Variants in ADAMTS3 observed in about 807,000 individuals in gnomAD.
ADAMTS3 encodes the protein ADAM metallopeptidase with thrombospondin type 1 motif 3, also known as A disintegrin and metalloproteinase with thrombospondin motifs 3.
Under a neutral mutation model 129.0 loss-of-function variants are expected in ADAMTS3, and 73 were observed. The ratio of observed to expected loss-of-function variants is 0.57; its 90% CI spans 0.47 to 0.69. The LOEUF (loss-of-function observed/expected upper bound fraction) is 0.69, where lower values mean the gene tolerates loss of function less well. Ranked by LOEUF, ADAMTS3 falls within the 30% of genes least tolerant of loss-of-function variation. ADAMTS3 has a pLI of 0.00. For missense variants in ADAMTS3, 1,457 were observed against 1,514.5 expected (o/e 0.96, Z 0.63); for synonymous variants, 477 against 510.8 (o/e 0.93, Z 0.89).
At chr4:72,299,111 T>A (rs1022381115) in intron 17 of ADAMTS3, among the ~76,000 whole-genome samples, 3 of 146,066 alleles carry the variant, frequency 2.1e-5, no homozygotes, top group Non-Finnish European at 3.0e-5. Flanking sequence ...ACAGACATAT[T>A]TACTTTCCTG....
chr4:72,449,043 T>C (rs1213500288), intron 3 of ADAMTS3, among the ~76,000 whole-genome samples: 1 of 151,710 alleles, frequency 6.6e-6, no homozygotes, highest in African/African-American at 2.4e-5. Context: ...TATTTTCCAC[T>C]GGCTTCTAGA....
chr4:72,541,752 A>C (rs1471197758), intron 3 of ADAMTS3, among the ~76,000 whole-genome samples: 1 of 151,334 alleles, frequency 6.6e-6, no homozygotes, highest in Non-Finnish European at 1.5e-5. Flanking sequence ...CCACTATGTA[A>C]GATGTGCCTT....
intron 4 of ADAMTS3, among the ~76,000 whole-genome samples, chr4:72,345,016 G>A (rs572680021): frequency 1.5e-4 from 23 of 152,168 alleles, no homozygotes; most frequent in African/African-American, 5.1e-4. Context: ...GGTTCTCCCA[G>A]TACTCTTTAC....
At chr4:72,514,696 C>T (rs537103091) in intron 3 of ADAMTS3, among the ~76,000 whole-genome samples, 1 of 152,034 alleles carries the variant, frequency 6.6e-6, no homozygotes, top group East Asian at 1.9e-4. Flanking sequence ...TATATCCTCA[C>T]CAAAACATTT....
intron 3 of ADAMTS3, among the ~76,000 whole-genome samples, chr4:72,470,652 A>C (rs1719047997): frequency 6.6e-6 from 1 of 151,892 alleles, no homozygotes; most frequent in South Asian, 2.1e-4. Flanking sequence ...CCTAATATGA[A>C]GATGTTTTCA....
At chr4:72,531,601 TCCTCAGGC>T (rs1194326052) in intron 3 of ADAMTS3, among the ~76,000 whole-genome samples, 6 of 152,222 alleles carry the variant, frequency 3.9e-5, no homozygotes, top group African/African-American at 1.4e-4. Context: ...AGAGTGATGG[TCCTCAGGC>T]TGTTGAAGCG....
intron 3 of ADAMTS3, among the ~76,000 whole-genome samples, chr4:72,516,175 T>A (rs1227176060): frequency 6.6e-6 from 1 of 152,208 alleles, no homozygotes; most frequent in Non-Finnish European, 1.5e-5. Context: ...CTGAGGGCTC[T>A]GTTCTGTTCC....
At chr4:72,417,203 C>T (rs1722327961) in intron 3 of ADAMTS3, among the ~76,000 whole-genome samples, 1 of 152,292 alleles carries the variant, frequency 6.6e-6, no homozygotes, top group Non-Finnish European at 1.5e-5. Context: ...ATTACAGAAA[C>T]TCCCTATCTT....
At chr4:72,394,961 T>C (rs1721690689) in intron 4 of ADAMTS3, among the ~76,000 whole-genome samples, 1 of 152,044 alleles carries the variant, frequency 6.6e-6, no homozygotes, top group African/African-American at 2.4e-5. Flanking sequence ...GTTTCACTCT[T>C]GTTGCCCAGG....
chr4:72,494,349 G>C lies in ADAMTS3; in HGVS notation c.504+54129C>G, dbSNP rs115000457. On this transcript the variant is annotated intron_variant, in intron 3 of 21. Transcript: ENST00000286657. Reference sequence around the variant, plus strand: ...GATATTTTTCTGATTGATTGAGTCTGTTGCTGACACTCTCTATTGCTTTCT... The same window carrying C: ...GATATTTTTCTGATTGATTGAGTCTCTTGCTGACACTCTCTATTGCTTTCT... Among the ~76,000 whole-genome samples, 167 of 152,136 alleles carry C rather than the reference G, an allele frequency of 1.1e-3. 2 individuals carry two copies. Among genetic ancestry groups the C allele is most frequent in the African/African-American group, 3.9e-3 (161 of 41,530 alleles).
At chr4:72,333,274 T>A (rs1398320895) in intron 5 of ADAMTS3, among the ~76,000 whole-genome samples, 1 of 152,176 alleles carries the variant, frequency 6.6e-6, no homozygotes, top group African/African-American at 2.4e-5. Flanking sequence ...AAAGATTTCA[T>A]CAACAACCTT....
chr4:72,463,712 A>G (rs970596054), intron 3 of ADAMTS3, among the ~76,000 whole-genome samples: 3 of 151,830 alleles, frequency 2.0e-5, no homozygotes, highest in Non-Finnish European at 2.9e-5. Flanking sequence ...AAAAAAAAAA[A>G]AAAAGCATTT....
chr4:72,412,479 C>T (rs954117559), intron 4 of ADAMTS3, among the ~76,000 whole-genome samples: 1 of 151,868 alleles, frequency 6.6e-6, no homozygotes, highest in African/African-American at 2.4e-5. Flanking sequence ...CATCTTGCTA[C>T]CAAGAAGTTA....
At chr4:72,542,790 C>T (rs1452461368) in intron 3 of ADAMTS3, among the ~76,000 whole-genome samples, 2 of 152,122 alleles carry the variant, frequency 1.3e-5, no homozygotes, top group Non-Finnish European at 2.9e-5. Flanking sequence ...GCTGAAGAGA[C>T]CAGAATTAGA....
intron 4 of ADAMTS3, among the ~76,000 whole-genome samples, chr4:72,390,241 A>C (rs1721555738): frequency 6.6e-6 from 1 of 152,206 alleles, no homozygotes; most frequent in African/African-American, 2.4e-5. Flanking sequence ...ACATTACAAA[A>C]GATTAACCAT....
intron 3 of ADAMTS3, among the ~76,000 whole-genome samples, chr4:72,492,045 T>G (rs1719759685): frequency 6.6e-6 from 1 of 151,660 alleles, no homozygotes; most frequent in Non-Finnish European, 1.5e-5. Flanking sequence ...GTAATCTAGT[T>G]TTTCGGGATA....
chr4:72,538,671 T>C (rs1721241889), intron 3 of ADAMTS3, among the ~76,000 whole-genome samples: 1 of 152,086 alleles, frequency 6.6e-6, no homozygotes, highest in Non-Finnish European at 1.5e-5. Context: ...CTTAAATTCA[T>C]ATGGTATCTC....
chr4:72,319,042 A>C (rs1206550098), intron 9 of ADAMTS3, among the ~76,000 whole-genome samples: 1 of 152,126 alleles, frequency 6.6e-6, no homozygotes, highest in Non-Finnish European at 1.5e-5. Flanking sequence ...AAACCACATG[A>C]CCATCCTCCC....
Position 72,550,005 on chromosome 4 carries a change from A to G in ADAMTS3, c.98-1121T>C, listed in dbSNP as rs1285367964. The stretch of plus-strand genomic sequence containing the variant: ...GAAGAAGAAGAAGAGGAAGAGGAAG[A>G]AGAAGAAGAAGAAGAAGAAGAAGAA... On this transcript the variant is annotated intron_variant, in intron 2 of 21. Coordinates refer to ENST00000286657, the MANE Select transcript of ADAMTS3 (RefSeq NM_014243.3). Among the ~76,000 whole-genome samples the G allele has an allele frequency of 5.1e-3, 21 of 4,146 alleles. 1 individual carries two copies. The highest frequency in any genetic ancestry group is 0.026 in the African/African-American group (19 of 720). 2.7% of individuals were successfully genotyped at this position (4,146 alleles called of 152,430 possible).
Sources: gnomAD v4.1 joint callset for allele counts (sites outside exome capture counted in the v4.1 genomes callset) on GRCh38, gnomAD v4.1.1 for gene constraint, MANE v1.5 for transcripts, NCBI Gene and HGNC (gene_info 2026-07-23, HGNC 2026-07-21) for gene names.